The following MYOM2 variants were observed in gnomAD, a reference collection of about 807,000 sequenced individuals.
The protein encoded by MYOM2 is myomesin 2.
A neutral mutation model predicts 187.6 loss-of-function variants in MYOM2; 254 were observed. The observed-to-expected ratio is 1.35, with a 90% CI of 1.22 to 1.50. The LOEUF (loss-of-function observed/expected upper bound fraction) is 1.50, where lower values mean the gene tolerates loss of function less well. MYOM2 is among the 40% of genes most tolerant of loss of function. MYOM2 has a pLI of 0.00. For synonymous variants in MYOM2, 981 were observed against 753.8 expected (o/e 1.30, Z -4.94); for missense variants, 2,796 against 1,924.0 (o/e 1.45, Z -8.48).
At chr8:2,084,185 G>C (rs1485495158) in intron 13 of MYOM2, among the ~76,000 whole-genome samples, 4 of 152,172 alleles carry the variant, frequency 2.6e-5, no homozygotes, top group African/African-American at 7.2e-5. Context: ...GTGGAGAGCA[G>C]GCCTGTGGGG....
chr8:2,114,068 A>AC (rs1187377261), intron 25 of MYOM2, among the ~76,000 whole-genome samples: 2 of 152,064 alleles, frequency 1.3e-5, no homozygotes, highest in African/African-American at 4.8e-5. Context: ...ACCAAGCCTC[A>AC]CCCGGGGGCA....
rs1819309204 is a variant in MYOM2, at chr8:2,073,497, A to G, written c.1117A>G (p.Arg373Gly). The G allele has an allele frequency of 6.2e-7, 1 of 1,601,160 alleles. No homozygotes were observed. The highest frequency in any genetic ancestry group is 8.5e-7 in the Non-Finnish European group (1 of 1,177,896). Residue 373 changes from arginine (R) to glycine (G), a missense_variant, in exon 10 of 37, where the codon AGA (arginine) becomes GGA (glycine). Arg to Gly is a moderately radical substitution (Grantham distance 125, BLOSUM62 -2). Coordinates refer to ENST00000262113, the MANE Select transcript of MYOM2 (RefSeq NM_003970.4). The stretch of plus-strand genomic sequence containing the variant: ...CGACCACAGCGCCTTCCTGTTTGTC[A>G]GAGGTGCGGGCAGCAGGGTTCTCAG... ...VSDHSAFLFV[R>G]DADPLVTGAP...
intron 28 of MYOM2, among the ~76,000 whole-genome samples, chr8:2,120,680 T>TATATATACATATAATATATATATATGTTA: frequency 2.1e-5 from 1 of 48,300 alleles, no homozygotes; most frequent in Non-Finnish European, 4.1e-5. Flanking sequence ...ATATATTATA[T>TATATATACATATAATATATATATATGTTA]TATATATAAA....
At position 2,136,418 on chromosome 8, in the gene MYOM2, G is replaced by T. The variant is rs574042442; in HGVS notation, c.3801-4305G>T. On this transcript the variant is annotated intron_variant, in intron 32 of 36. Coordinates refer to ENST00000262113, the MANE Select transcript of MYOM2 (RefSeq NM_003970.4). ...ACCAAGTGGGCCAGTGTGTGATTTG[G>T]TGTCCAGTGGACACCATTCCTTCAT... is the stretch of plus-strand genomic sequence containing the variant. Among the ~76,000 whole-genome samples the T allele has an allele frequency of 7.9e-5, 12 of 152,316 alleles. 1 individual carries two copies. The highest frequency in any genetic ancestry group is 2.4e-4 in the African/African-American group (10 of 41,562).
At chr8:2,113,292 C>G (rs1378794982) in intron 25 of MYOM2, among the ~76,000 whole-genome samples, 2 of 152,192 alleles carry the variant, frequency 1.3e-5, no homozygotes, top group South Asian at 4.1e-4. Context: ...CCGTCAAGAC[C>G]CTGCTCAATG....
intron 25 of MYOM2, among the ~76,000 whole-genome samples, chr8:2,115,270 A>T (rs1212495907): frequency 6.6e-6 from 1 of 152,232 alleles, no homozygotes; most frequent in Non-Finnish European, 1.5e-5. Context: ...ATAAGTAAAC[A>T]TCACAAAATC....
chr8:2,103,496 A>G (rs1039196054), intron 21 of MYOM2, among the ~76,000 whole-genome samples: 1 of 149,582 alleles, frequency 6.7e-6, no homozygotes, highest in Non-Finnish European at 1.5e-5. Context: ...GGGTATATGA[A>G]TAAATGAGTG....
chr8:2,119,267 C>T (rs1377911966), intron 28 of MYOM2: 1 of 152,280 alleles, frequency 6.6e-6, no homozygotes, highest in Admixed American at 6.5e-5. Context: ...TGCCAAAGGA[C>T]AGCCTTTAGA....
At chr8:2,052,028 T>C in intron 2 of MYOM2, 130 bp from the exon 3 acceptor site, 11 of 1,069,462 alleles carry the variant, frequency 1.0e-5, no homozygotes, top group Non-Finnish European at 1.4e-5. Context: ...TGCCTGTGCA[T>C]GTGTGTGTTT....
chr8:2,098,776 C>A, intron 18 of MYOM2, 81 bp from the exon 19 acceptor site: 5 of 1,389,348 alleles, frequency 3.6e-6, no homozygotes, highest in Non-Finnish European at 4.8e-6. Context: ...ATTTCACAAG[C>A]CAGTTATAAC....
At chr8:2,073,893 A>G (rs1428372170) in intron 10 of MYOM2, among the ~76,000 whole-genome samples, 1 of 152,190 alleles carries the variant, frequency 6.6e-6, no homozygotes, top group Non-Finnish European at 1.5e-5. Flanking sequence ...CTCTCCTGCC[A>G]GCGACTCATT....
chr8:2,064,450 C>T (rs1463722895), intron 6 of MYOM2, among the ~76,000 whole-genome samples: 4 of 152,178 alleles, frequency 2.6e-5, no homozygotes, highest in African/African-American at 9.7e-5. Context: ...CCACCGCCGT[C>T]GTCAGTGGGT....
chr8:2,102,603 G>A, intron 20 of MYOM2, 64 bp from the exon 21 acceptor site: 2 of 1,165,902 alleles, frequency 1.7e-6, no homozygotes, highest in African/African-American at 1.5e-5. Flanking sequence ...AATAAAATGT[G>A]AAAAACTCCA....
rs375181421 is a variant in MYOM2, at chr8:2,076,148, C to A, written c.1128C>A (p.Asp376Glu). Reference protein sequence around the residue: ...HSAFLFVRDADPLVTGAPGAP... With the variant: ...HSAFLFVRDAEPLVTGAPGAP... ...TTCTCTCCCTGCCCCAAGATGCTGA[C>A]CCGCTGGTCACAGGGGCCCCCGGTG... Residue 376 changes from aspartate (D) to glutamate (E), a missense_variant, in exon 11 of 37, where the codon GAC becomes GAA. By Grantham distance (45) the Asp-to-Glu change is conservative. Coordinates refer to ENST00000262113, the MANE Select transcript of MYOM2 (RefSeq NM_003970.4). The A allele has an allele frequency of 1.1e-5, 18 of 1,611,894 alleles. No homozygotes were observed. Among genetic ancestry groups the A allele is most frequent in the Middle Eastern group, 3.8e-4 (2 of 5,322 alleles).
intron 25 of MYOM2, among the ~76,000 whole-genome samples, chr8:2,113,593 C>A (rs540482453): frequency 6.6e-6 from 1 of 152,152 alleles, no homozygotes; most frequent in East Asian, 1.9e-4. Context: ...GAAGGACCGA[C>A]TGGGACAGGT....
chr8:2,100,176 CCTTCCTTCCT>C (rs1796656830), intron 19 of MYOM2, among the ~76,000 whole-genome samples: 1 of 149,846 alleles, frequency 6.7e-6, no homozygotes, highest in Non-Finnish European at 1.5e-5. Context: ...TTCCTTCCTT[CCTTCCTTCCT>C]TCCCTCCCTG....
intron 21 of MYOM2, among the ~76,000 whole-genome samples, chr8:2,105,409 A>G (rs1160387331): frequency 6.6e-6 from 1 of 152,144 alleles, no homozygotes; most frequent in Non-Finnish European, 1.5e-5. Context: ...TGCCTTGCAC[A>G]CGGCCAGATG....
chr8:2,089,030 A>T (rs1796195126), intron 14 of MYOM2, among the ~76,000 whole-genome samples: 1 of 152,078 alleles, frequency 6.6e-6, no homozygotes, highest in Non-Finnish European at 1.5e-5. Flanking sequence ...GGGCAGATAC[A>T]AAATAGCGGC....
chr8:2,132,397 A>C (rs2116891216), intron 32 of MYOM2, among the ~76,000 whole-genome samples: 1 of 152,358 alleles, frequency 6.6e-6, no homozygotes, highest in African/African-American at 2.4e-5. Flanking sequence ...AAACTTATTC[A>C]GCGTGAGTTA....
Sources: allele counts gnomAD v4.1 joint callset (sites outside exome capture counted in the v4.1 genomes callset), GRCh38; gene constraint gnomAD v4.1.1; transcripts MANE v1.5; gene names NCBI Gene and HGNC (gene_info 2026-07-23, HGNC 2026-07-21).